Variants in PURG observed in about 807,000 individuals in gnomAD.
PURG encodes purine rich element binding protein G, also known as purine-rich element-binding protein gamma.
A neutral mutation model predicts 24.3 loss-of-function variants in PURG; 3 were observed. That is an observed-to-expected ratio of 0.12 (90% CI 0.06 to 0.32). The LOEUF is 0.32. Ranked by LOEUF, PURG falls within the 10% of genes least tolerant of loss-of-function variation. The pLI is 1.00. For missense variants in PURG, 371 were observed against 439.1 expected, an observed-to-expected ratio of 0.84 and a Z score of 1.39; for synonymous variants, 180 against 173.1, an observed-to-expected ratio of 1.04 and a Z score of -0.31.
intron 1 of PURG, among the ~76,000 whole-genome samples, chr8:30,997,115 A>G (rs1268059962): frequency 6.6e-6 from 1 of 151,866 alleles, no homozygotes; most frequent in East Asian, 1.9e-4. Flanking sequence ...TATATTTAAC[A>G]GCAAAACATT....
At chr8:31,024,225 G>T (rs1476185243) in intron 1 of PURG, among the ~76,000 whole-genome samples, 1 of 152,070 alleles carries the variant, frequency 6.6e-6, no homozygotes, top group Non-Finnish European at 1.5e-5. Context: ...ATCACAGGTT[G>T]CTGCATCATT....
intron 1 of PURG, among the ~76,000 whole-genome samples, chr8:31,007,202 T>C (rs1395720429): frequency 6.6e-6 from 1 of 152,176 alleles, no homozygotes; most frequent in Admixed American, 6.5e-5. Context: ...GAATCATTAG[T>C]ATCAAAGGAA....
intron 1 of PURG, among the ~76,000 whole-genome samples, chr8:31,015,639 G>A (rs1810848010): frequency 6.6e-6 from 1 of 152,208 alleles, no homozygotes; most frequent in African/African-American, 2.4e-5. Flanking sequence ...CAGAACTTGA[G>A]TTTAGGAGGC....
chr8:31,002,778 C>CT (rs1563303149), intron 1 of PURG, among the ~76,000 whole-genome samples: 1 of 152,166 alleles, frequency 6.6e-6, no homozygotes, highest in Non-Finnish European at 1.5e-5. Flanking sequence ...GCCACCGTGC[C>CT]CGGCCGAGAT....
chr8:31,024,238 A>G (rs988425482), intron 1 of PURG, among the ~76,000 whole-genome samples: 9 of 152,172 alleles, frequency 5.9e-5, no homozygotes, highest in African/African-American at 1.7e-4. Context: ...GCATCATTAT[A>G]GTTGTTTTTA....
chr8:31,005,888 G>T (rs1365378034), intron 1 of PURG, among the ~76,000 whole-genome samples: 1 of 151,694 alleles, frequency 6.6e-6, no homozygotes, highest in Non-Finnish European at 1.5e-5. Context: ...TTATATCAGG[G>T]GCTACTAGTG....
intron 1 of PURG, among the ~76,000 whole-genome samples, chr8:31,001,772 A>G (rs1810540623): frequency 6.6e-6 from 1 of 152,206 alleles, no homozygotes; most frequent in South Asian, 2.1e-4. Context: ...TGTGGTAGGT[A>G]GTATTACTTG....
chr8:31,002,723 A>G (rs530453593), intron 1 of PURG, among the ~76,000 whole-genome samples: 14 of 152,170 alleles, frequency 9.2e-5, no homozygotes, highest in Non-Finnish European at 1.9e-4. Context: ...ACCTCAGGTG[A>G]TCCACTTGCC....
chr8:30,996,792 A>G, intron 1 of PURG: 1 of 966,762 alleles, frequency 1.0e-6, no homozygotes, highest in South Asian at 1.6e-5. Context: ...AATCTCGTTG[A>G]AAACCTTTCT....
intron 1 of PURG, among the ~76,000 whole-genome samples, chr8:31,016,779 C>T (rs1810880971): frequency 6.6e-6 from 1 of 151,832 alleles, no homozygotes; most frequent in African/African-American, 2.4e-5. Flanking sequence ...ATTTAATACA[C>T]CTGCACACTT....
Position 31,031,712 on chromosome 8 carries a change from T to G in PURG, c.*27A>C. On this transcript the variant is annotated 3_prime_UTR_variant, in exon 2 of 2. Transcript: ENST00000523392. Reference sequence around the variant, plus strand: ...CTTTTAGCCAATTTGTGATTTTAAATTTTGCCTGATGGAGTTCAATTTCAC... The same window carrying G: ...CTTTTAGCCAATTTGTGATTTTAAAGTTTGCCTGATGGAGTTCAATTTCAC... 2.0e-6 allele frequency: 3 copies of G among 1,511,046 alleles called. No individual in the cohort carries two copies. Among genetic ancestry groups the G allele is most frequent in the Non-Finnish European group, 2.7e-6 (3 of 1,130,714 alleles). The allele number at this position is 1,511,046 out of a possible 1,614,324, so 93.6% of individuals were successfully genotyped here.
intron 1 of PURG, among the ~76,000 whole-genome samples, chr8:31,009,440 CA>C (rs1327546733): frequency 3.3e-5 from 5 of 151,924 alleles, no homozygotes; most frequent in African/African-American, 4.8e-5. Context: ...CAAAACAAAA[CA>C]AAACAAAACA....
chr8:31,030,179 A>C (rs1047763911), downstream of PURG, among the ~76,000 whole-genome samples: 1 of 152,006 alleles, frequency 6.6e-6, no homozygotes, highest in Non-Finnish European at 1.5e-5. Flanking sequence ...TCGCTGATAT[A>C]ATTTTAAATT....
intron 1 of PURG, among the ~76,000 whole-genome samples, chr8:31,015,507 C>T (rs976560216): frequency 4.6e-5 from 7 of 151,986 alleles, no homozygotes; most frequent in Middle Eastern, 3.4e-3. Context: ...TCATTTGAGA[C>T]GTAAAGGGTC....
intron 1 of PURG, among the ~76,000 whole-genome samples, chr8:31,020,146 T>C (rs1039816590): frequency 1.3e-5 from 2 of 152,128 alleles, no homozygotes; most frequent in East Asian, 1.9e-4. Flanking sequence ...CAGTACAGTA[T>C]ATAGTTCCTC....
Position 31,025,416 on chromosome 8 carries a change from G to GGTA in PURG, c.864+6502_864+6503insTAC, listed in dbSNP as rs1811072099. Reference sequence around the variant, plus strand: ...CAACACCTCTTTCATTTTGTAAACAGGACATTATGCTACCAAATATAGAGT... The same window carrying GGTA: ...CAACACCTCTTTCATTTTGTAAACAGGTAGACATTATGCTACCAAATATAGAGT... On this transcript the variant is annotated intron_variant, in intron 1 of 1. Coordinates refer to the PURG transcript ENST00000339382. Among the ~76,000 whole-genome samples, 3 of 151,936 alleles carry GGTA rather than the reference G, an allele frequency of 2.0e-5. No homozygotes were observed. In the South Asian group the frequency reaches 6.2e-4, roughly 31 times the overall value.
chr8:31,010,106 A>C (rs1299509851), intron 1 of PURG, among the ~76,000 whole-genome samples: 1 of 152,188 alleles, frequency 6.6e-6, no homozygotes, highest in Admixed American at 6.5e-5. Flanking sequence ...TGAAAAAATA[A>C]AAAATAAAAA....
chr8:30,996,450 G>T, exon 2 of PURG: 1 of 556,440 alleles, frequency 1.8e-6, no homozygotes, highest in Non-Finnish European at 3.2e-6. Flanking sequence ...GATCAGTTTG[G>T]AAATGATGCC....
rs760254107 is a variant in PURG, at chr8:31,031,904, T to G, written c.879A>C (p.Arg293Ser). Reference protein sequence around the residue: ...YGIFLKVSEVRPPYRNTITVP... With the variant: ...YGIFLKVSEVSPPYRNTITVP... ...CAGTAATAGTATTACGGTAAGGTGG[T>G]CTCACCTCACTTACCTTCAGGAAAA... is the stretch of plus-strand genomic sequence containing the variant. The change falls in exon 2 of 2, where the codon AGA becomes AGC. Residue 293 changes from arginine (R) to serine (S), a missense_variant. Transcript: ENST00000523392. 20 of 1,614,116 alleles carry G rather than the reference T, an allele frequency of 1.2e-5. No individual in the cohort carries two copies. Among genetic ancestry groups the G allele is most frequent in the Non-Finnish European group, 1.5e-5 (18 of 1,180,006 alleles).
Sources: gnomAD v4.1 joint callset for allele counts (sites outside exome capture counted in the v4.1 genomes callset) on GRCh38, gnomAD v4.1.1 for gene constraint, MANE v1.5 for transcripts, NCBI Gene and HGNC (gene_info 2026-07-23, HGNC 2026-07-21) for gene names.